VAV2: variants seen among roughly 807,000 people sequenced by gnomAD.
VAV2 encodes the protein guanine nucleotide exchange factor VAV2.
A neutral mutation model predicts 132.5 loss-of-function variants in VAV2; 67 were observed. The ratio of observed to expected loss-of-function variants is 0.51; its 90% CI spans 0.42 to 0.62. The LOEUF (loss-of-function observed/expected upper bound fraction) is 0.62, where lower values mean the gene tolerates loss of function less well. Among genes scored for constraint, VAV2 ranks in the 20% least tolerant of loss-of-function variants. VAV2 has a pLI of 0.00. For synonymous variants in VAV2, 492 were observed against 443.5 expected (o/e 1.11, Z -1.37); for missense variants, 938 against 1,153.6 (o/e 0.81, Z 2.71).
Position 133,812,183 on chromosome 9 carries a change from G to T in VAV2, c.483C>A (p.Cys161Ter). ...EHDLGEDIYD[C>*]VPCEDGGDDI... Reference sequence around the variant, plus strand: ...CGTCCCCTCCATCCTCACACGGGACGCAGTCGTAGATGTCCTCCCCCAGGT... The same window carrying T: ...CGTCCCCTCCATCCTCACACGGGACTCAGTCGTAGATGTCCTCCCCCAGGT... The change falls in exon 5 of 30, where the codon TGC becomes TGA. Residue 161 changes from cysteine to a stop codon, truncating the protein, a stop_gained. Coordinates refer to ENST00000371850, the MANE Select transcript of VAV2 (RefSeq NM_001134398.2). LOFTEE classifies it high-confidence loss of function. 1 of 1,613,942 alleles carries T rather than the reference G, an allele frequency of 6.2e-7. No homozygotes were observed. The highest frequency in any genetic ancestry group is 8.5e-7 in the Non-Finnish European group (1 of 1,179,994).
At chr9:133,866,155 CA>C (rs1837791131) in intron 2 of VAV2, among the ~76,000 whole-genome samples, 1 of 152,216 alleles carries the variant, frequency 6.6e-6, no homozygotes, top group Non-Finnish European at 1.5e-5. Flanking sequence ...CCAGGCCCCC[CA>C]GGGGGTGGGT....
rs1833275035 is a variant in VAV2, at chr9:133,761,965, G to GT, written c.*2096dup. 1 of 152,650 alleles carries GT rather than the reference G, an allele frequency of 6.6e-6. No homozygotes were observed. Among genetic ancestry groups the GT allele is most frequent in the South Asian group, 2.1e-4 (1 of 4,836 alleles). 9.5% of individuals were successfully genotyped at this position (152,650 alleles called of 1,614,324 possible). A position where few individuals can be genotyped will look rare whatever the true frequency, so the allele number is the denominator to read the frequency against. On this transcript the variant is annotated 3_prime_UTR_variant, in exon 30 of 30. Coordinates refer to ENST00000371850, the MANE Select transcript of VAV2 (RefSeq NM_001134398.2). ...AAAAAAACCCATTGGCAAATGTACA[G>GT]TTTGTGTCCATTTGGGGTTCCCGCC...
At chr9:133,830,342 T>G (rs1836216203) in intron 4 of VAV2, among the ~76,000 whole-genome samples, 1 of 152,228 alleles carries the variant, frequency 6.6e-6, no homozygotes, top group African/African-American at 2.4e-5. Flanking sequence ...AATCTCATCT[T>G]GAACTGTAGT....
intron 2 of VAV2, among the ~76,000 whole-genome samples, chr9:133,893,132 C>A (rs946073695): frequency 5.3e-5 from 8 of 152,206 alleles, no homozygotes; most frequent in African/African-American, 1.9e-4. Flanking sequence ...TGGGCACTTA[C>A]CAGACAGCCT....
In VAV2 at chr9:133,979,142, C is replaced by T. The variant is rs184491990; in HGVS notation, c.204+12933G>A. Among the ~76,000 whole-genome samples, 29 of 152,298 alleles carry T rather than the reference C, an allele frequency of 1.9e-4. No homozygotes were observed. The East Asian group carries it at 4.8e-3, about 25-fold the overall frequency. ...GCCAGGGGTGGTGGTGTCGGAGAGGCGAGCTCATGGCTCCACCCTGCAGGG... is the reference window on the plus strand; with the variant it reads ...GCCAGGGGTGGTGGTGTCGGAGAGGTGAGCTCATGGCTCCACCCTGCAGGG... On this transcript the variant is annotated intron_variant, in intron 1 of 29. Coordinates refer to ENST00000371850, the MANE Select transcript of VAV2 (RefSeq NM_001134398.2).
chr9:133,981,521 C>T (rs964971608), intron 1 of VAV2, among the ~76,000 whole-genome samples: 40 of 152,136 alleles, frequency 2.6e-4, no homozygotes, highest in African/African-American at 9.2e-4. Context: ...GGGAGTGAGC[C>T]GCCGGGCTCG....
At chr9:133,817,342 C>T (rs1412721618) in intron 4 of VAV2, among the ~76,000 whole-genome samples, 3 of 152,208 alleles carry the variant, frequency 2.0e-5, no homozygotes, top group Admixed American at 1.3e-4. Context: ...GGCTTCTTTC[C>T]TCCCTGTTAT....
intron 1 of VAV2, among the ~76,000 whole-genome samples, chr9:133,959,657 G>T (rs550048153): frequency 9.2e-5 from 14 of 152,348 alleles, no homozygotes; most frequent in African/African-American, 3.1e-4. Context: ...ACCTGATTTA[G>T]GAAAACGGTC....
At chr9:133,847,475 G>A (rs567501783) in intron 3 of VAV2, among the ~76,000 whole-genome samples, 2 of 152,310 alleles carry the variant, frequency 1.3e-5, no homozygotes, top group African/African-American at 4.8e-5. Context: ...CTGTCCCCAG[G>A]GTCAGCAGAT....
intron 17 of VAV2, among the ~76,000 whole-genome samples, chr9:133,784,908 G>A (rs796961556): frequency 1.3e-4 from 20 of 152,244 alleles, no homozygotes; most frequent in Admixed American, 5.2e-4. Context: ...TGGCGGCAGC[G>A]TGGTGAGAAG....
At chr9:133,900,240 A>G (rs1839389349) in intron 2 of VAV2, among the ~76,000 whole-genome samples, 2 of 151,916 alleles carry the variant, frequency 1.3e-5, no homozygotes, top group Non-Finnish European at 2.9e-5. Context: ...AAGTAAAACC[A>G]TGGACCCATT....
intron 2 of VAV2, among the ~76,000 whole-genome samples, chr9:133,881,979 C>T (rs1171324363): frequency 1.3e-5 from 2 of 152,166 alleles, no homozygotes; most frequent in Non-Finnish European, 2.9e-5. Context: ...GTGTGCGGGG[C>T]TACAAAGGAG....
At chr9:133,921,979 C>T (rs776315982) in intron 2 of VAV2, among the ~76,000 whole-genome samples, 11 of 152,244 alleles carry the variant, frequency 7.2e-5, no homozygotes, top group Non-Finnish European at 1.2e-4. Context: ...ACCGGCAGGG[C>T]GAGTGGGCCA....
intron 3 of VAV2, among the ~76,000 whole-genome samples, chr9:133,858,099 T>A (rs764147348): frequency 1.3e-5 from 2 of 152,178 alleles, no homozygotes; most frequent in Non-Finnish European, 2.9e-5. Flanking sequence ...CTTGCTCAGC[T>A]CCTAGGAGAT....
intron 1 of VAV2, among the ~76,000 whole-genome samples, chr9:133,952,937 G>A (rs2319062): frequency 6.0e-5 from 8 of 133,702 alleles, no homozygotes; most frequent in East Asian, 4.5e-4. Context: ...CATGGCCCCC[G>A]GGACACCTAG....
At chr9:133,979,441 G>C (rs379485) in intron 1 of VAV2, among the ~76,000 whole-genome samples, 60,371 of 152,000 alleles carry the variant, frequency 0.4, 12,503 homozygotes, top group Middle Eastern at 0.52. Context: ...AGAGGAGATG[G>C]GTCCCCAGGC....
At chr9:133,787,685 T>C (rs1331248343) in intron 15 of VAV2, among the ~76,000 whole-genome samples, 1 of 135,522 alleles carries the variant, frequency 7.4e-6, no homozygotes, top group Non-Finnish European at 1.5e-5. Flanking sequence ...GAAGCAGGAC[T>C]GAACCAGACA....
At chr9:133,838,713 T>G (rs1399913151) in intron 3 of VAV2, among the ~76,000 whole-genome samples, 685 of 48,006 alleles carry the variant, frequency 0.014, no homozygotes, top group Middle Eastern at 0.074. Context: ...GTGGGTGGAT[T>G]GATGGATGGG....
intron 3 of VAV2, among the ~76,000 whole-genome samples, chr9:133,847,255 G>A (rs530328727): frequency 4.3e-4 from 66 of 152,330 alleles, no homozygotes; most frequent in Non-Finnish European, 6.9e-4. Context: ...CACCAAGTGG[G>A]TGCTCAGGGA....
Sources: allele counts gnomAD v4.1 joint callset (sites outside exome capture counted in the v4.1 genomes callset), GRCh38; gene constraint gnomAD v4.1.1; transcripts MANE v1.5; gene names NCBI Gene and HGNC (gene_info 2026-07-23, HGNC 2026-07-21).